The following DCAF13 variants were observed in gnomAD, a reference collection of about 807,000 sequenced individuals.
The protein encoded by DCAF13 is DDB1- and CUL4-associated factor 13.
A neutral mutation model predicts 59.0 loss-of-function variants in DCAF13; 38 were observed. That is an observed-to-expected ratio of 0.64 (90% confidence interval 0.50 to 0.84). The LOEUF is 0.84. DCAF13 is among the 40% of genes least tolerant of loss of function. The probability of loss-of-function intolerance (pLI) is 0.00; values close to 1 mark genes in which losing one functional copy is unlikely to be tolerated. For missense variants in DCAF13, 469 were observed against 558.4 expected (o/e 0.84, Z 1.61); for synonymous variants, 173 against 175.0 (o/e 0.99, Z 0.09).
chr8:103,424,229 G>T (rs757482183), intron 3 of DCAF13, among the ~76,000 whole-genome samples: 1 of 151,898 alleles, frequency 6.6e-6, no homozygotes, highest in Admixed American at 6.6e-5. Context: ...GGGTTTCACC[G>T]TGTTAGCCAT....
chr8:103,433,883 G>C (rs1243636647), intron 7 of DCAF13, among the ~76,000 whole-genome samples: 1 of 151,840 alleles, frequency 6.6e-6, no homozygotes, highest in African/African-American at 2.4e-5. Flanking sequence ...TCCAGTTAAA[G>C]GCAATAAAAG....
In DCAF13 at chr8:103,443,303, AT is replaced by A. The variant is rs1817034821; in HGVS notation, c.*427del. ...CATAACATTTAGAATAATGATGTCA[AT>A]TTTTTACAACTGAATTTATTTCTAG... On this transcript the variant is annotated 3_prime_UTR_variant, in exon 11 of 11. Transcript: ENST00000612750. The A allele has an allele frequency of 6.6e-6, 1 of 152,244 alleles. No homozygotes were observed. The highest frequency in any genetic ancestry group is 2.1e-4 in the South Asian group (1 of 4,826). 9.4% of individuals were successfully genotyped at this position (152,244 alleles called of 1,614,324 possible).
intron 3 of DCAF13, among the ~76,000 whole-genome samples, chr8:103,424,629 T>C (rs1326297351): frequency 2.6e-5 from 4 of 152,198 alleles, no homozygotes; most frequent in Non-Finnish European, 5.9e-5. Flanking sequence ...TTGTACTCAG[T>C]AGACGGCAGA....
chr8:103,428,887 C>T (rs1490827015), intron 5 of DCAF13: 1 of 150,964 alleles, frequency 6.6e-6, no homozygotes, highest in Admixed American at 6.6e-5. Flanking sequence ...GCCTGTATAG[C>T]AGCTGTATTT....
At chr8:103,428,091 C>T (rs1268511117) in intron 5 of DCAF13, 1 of 152,088 alleles carries the variant, frequency 6.6e-6, no homozygotes, top group Non-Finnish European at 1.5e-5. Context: ...AAGACCCAAC[C>T]TGATAAAAGA....
At position 103,433,764 on chromosome 8, in the gene DCAF13, A is replaced by G. The variant is rs556001306; in HGVS notation, c.785+1023A>G. On this transcript the variant is annotated intron_variant, in intron 7 of 10. Transcript: ENST00000612750. ...CAGAACAAGACCCTGGTGTCTTAAA[A>G]AAATAAAAGAAGCTCAGTTAGACTC... 2.0e-5 allele frequency among the ~76,000 whole-genome samples: 3 copies of G among 152,228 alleles called. No individual in the cohort carries two copies. In the South Asian group the frequency reaches 6.2e-4, roughly 32 times the overall value.
Position 103,427,245 on chromosome 8 carries a change from C to T in DCAF13, c.617C>T (p.Pro206Leu). The change falls in exon 5 of 11, where the codon CCA becomes CTA. Residue 206 changes from proline to leucine, a missense_variant. Around this residue, in one of 3 missense-constraint regions of DCAF13, gnomAD observed 355 missense variants for 399.1 expected, o/e 0.89. Transcript: ENST00000612750. Reference protein sequence around the residue: ...FDSISSVKFNPIETFLLGSCA... With the variant: ...FDSISSVKFNLIETFLLGSCA... The stretch of plus-strand genomic sequence containing the variant: ...AGTATAAGTAGTGTTAAATTTAACC[C>T]AATTGAGGTAATGTTTTTTTTTAAG... 1 of 1,609,400 alleles carries T rather than the reference C, an allele frequency of 6.2e-7. No individual in the cohort carries two copies. The highest frequency in any genetic ancestry group is 1.1e-5 in the South Asian group (1 of 90,372).
chr8:103,421,646 G>A (rs1006970718), intron 3 of DCAF13, among the ~76,000 whole-genome samples: 1 of 152,116 alleles, frequency 6.6e-6, no homozygotes, highest in African/African-American at 2.4e-5. Flanking sequence ...TTGCCTCTGT[G>A]ATTTTGACTA....
chr8:103,418,584 A>T (rs892720133), intron 1 of DCAF13, among the ~76,000 whole-genome samples: 9 of 151,650 alleles, frequency 5.9e-5, no homozygotes, highest in Admixed American at 3.9e-4. Context: ...GAGTTGAAAG[A>T]TGAGTAAGTG....
intron 8 of DCAF13, among the ~76,000 whole-genome samples, chr8:103,436,080 C>T (rs1442824961): frequency 6.6e-6 from 1 of 152,088 alleles, no homozygotes. Flanking sequence ...AGGAAAAGTA[C>T]AGTAAAAATC....
chr8:103,438,482 G>A (rs530369200), intron 8 of DCAF13, among the ~76,000 whole-genome samples: 208 of 148,390 alleles, frequency 1.4e-3, no homozygotes, highest in African/African-American at 5.0e-3. Flanking sequence ...GTGCAGTGAT[G>A]CCACACGGCT....
intron 1 of DCAF13, among the ~76,000 whole-genome samples, chr8:103,418,866 A>ATTTTTTTTTT (rs1159489554): frequency 2.6e-5 from 1 of 38,426 alleles, no homozygotes; most frequent in Non-Finnish European, 4.8e-5. Flanking sequence ...ATATATATAT[A>ATTTTTTTTTT]TTTTTTTTTT....
intron 8 of DCAF13, among the ~76,000 whole-genome samples, chr8:103,438,068 T>C (rs1197562564): frequency 1.3e-5 from 2 of 152,214 alleles, no homozygotes. Flanking sequence ...TTGGGGAGGA[T>C]TCTCAGTTAC....
intron 1 of DCAF13, among the ~76,000 whole-genome samples, chr8:103,417,312 A>G (rs1468243996): frequency 6.6e-6 from 1 of 151,878 alleles, no homozygotes; most frequent in African/African-American, 2.4e-5. Context: ...GAACCTTTAA[A>G]TCTATCACAG....
chr8:103,435,575 T>C (rs1816921415), intron 7 of DCAF13, 51 bp from the exon 8 acceptor site: 2 of 1,415,056 alleles, frequency 1.4e-6, no homozygotes, highest in Non-Finnish European at 1.9e-6. Flanking sequence ...TAGTACTGCA[T>C]ATGGCATCTT....
chr8:103,427,186 T>C lies in DCAF13; in HGVS notation c.558T>C (p.Thr186=). 1 of 1,613,438 alleles carries C rather than the reference T, an allele frequency of 6.2e-7. No individual in the cohort carries two copies. The highest frequency in any genetic ancestry group is 8.5e-7 in the Non-Finnish European group (1 of 1,179,462). Residue 186 remains threonine, a synonymous_variant, in exon 5 of 11, where the codon ACT becomes ACC. Coordinates refer to ENST00000612750, the MANE Select transcript of DCAF13 (RefSeq NM_015420.7). Reference sequence around the variant, plus strand: ...TAGACATTTGGGATGAACAAAGAACTAATCCTATATGTTCAATGACCTGGG... The same window carrying C: ...TAGACATTTGGGATGAACAAAGAACCAATCCTATATGTTCAATGACCTGGG... ...QQVDIWDEQR[T]NPICSMTWGF...
intron 3 of DCAF13, among the ~76,000 whole-genome samples, chr8:103,425,367 T>G (rs946117390): frequency 2.0e-5 from 3 of 152,222 alleles, no homozygotes; most frequent in African/African-American, 7.2e-5. Flanking sequence ...GTTTGTTGCT[T>G]TGCCTTGATT....
intron 4 of DCAF13, 35 bp from the exon 5 acceptor site, chr8:103,427,062 T>C (rs1816800288): frequency 1.3e-6 from 2 of 1,522,836 alleles, no homozygotes; most frequent in African/African-American, 2.8e-5. Flanking sequence ...GAATTAGTAA[T>C]GAAAAAAATC....
chr8:103,429,692 C>G (rs1362660311), intron 5 of DCAF13: 1 of 149,098 alleles, frequency 6.7e-6, no homozygotes, highest in Non-Finnish European at 1.5e-5. Flanking sequence ...GAGTTAACAA[C>G]ACGAAGAAAC....
Sources: allele counts gnomAD v4.1 joint callset (sites outside exome capture counted in the v4.1 genomes callset), GRCh38; gene constraint gnomAD v4.1.1; regional missense constraint gnomAD v4.1.1; transcripts MANE v1.5; gene names NCBI Gene and HGNC (gene_info 2026-07-23, HGNC 2026-07-21).